The following POTEB3 variants were observed in gnomAD, a reference collection of about 807,000 sequenced individuals.
POTEB3 encodes the protein ANKRD26-like family B member 1.
In POTEB3, 5 loss-of-function variants were observed where a neutral mutation model predicts 39.8. The ratio of observed to expected loss-of-function variants is 0.13; its 90% CI spans 0.07 to 0.26. The LOEUF is 0.26. Ranked by LOEUF, POTEB3 falls within the 10% of genes least tolerant of loss-of-function variation. POTEB3 has a pLI of 1.00. For missense variants in POTEB3, 24 were observed against 475.6 expected (o/e 0.05, Z 8.83); for synonymous variants, 5 against 161.5 (o/e 0.03, Z 7.35).
At chr15:21,433,530 G>T (rs1254535174) in intron 3 of POTEB3, among the ~76,000 whole-genome samples, 12 of 150,620 alleles carry the variant, frequency 8.0e-5, no homozygotes, top group Non-Finnish European at 1.5e-4. Context: ...GGAAGCTAGT[G>T]CAATAGACAA....
intron 3 of POTEB3, among the ~76,000 whole-genome samples, chr15:21,433,061 G>GT (rs1435495243): frequency 2.1e-4 from 29 of 140,130 alleles, no homozygotes; most frequent in African/African-American, 7.8e-4. Context: ...GGGGAACAGA[G>GT]TGAGACCCCA....
At chr15:21,419,943 CTT>C in intron 8 of POTEB3, among the ~76,000 whole-genome samples, 1 of 119,356 alleles carries the variant, frequency 8.4e-6, no homozygotes. Context: ...TCTTCAGAAT[CTT>C]ATATATGAAT....
chr15:21,414,394 C>T (rs1179446555), intron 9 of POTEB3, among the ~76,000 whole-genome samples: 9 of 113,708 alleles, frequency 7.9e-5, no homozygotes, highest in Non-Finnish European at 1.2e-4. Context: ...ATGAAGTCTA[C>T]AATTCTGGAA....
At chr15:21,430,793 C>A (rs1255566213) in intron 4 of POTEB3, among the ~76,000 whole-genome samples, 3 of 151,528 alleles carry the variant, frequency 2.0e-5, no homozygotes, top group South Asian at 4.1e-4. Flanking sequence ...AATAAGAGCT[C>A]TCTGCATGCT....
In POTEB3 at chr15:21,419,784, G is replaced by A. The variant is rs1321300402; in HGVS notation, c.1243-154C>T. Among the ~76,000 whole-genome samples the A allele has an allele frequency of 1.6e-4, 22 of 137,076 alleles. 2 individuals are homozygous for A. Among genetic ancestry groups the A allele is most frequent in the African/African-American group, 4.1e-4 (14 of 34,512 alleles). The allele number at this position is 137,076 out of a possible 152,430, so 89.9% of individuals were successfully genotyped here. Reference sequence around the variant, plus strand: ...TGATCATATATACAGAACTATAACCGTATAATTTTAAGATGTAATTATCAT... The same window carrying A: ...TGATCATATATACAGAACTATAACCATATAATTTTAAGATGTAATTATCAT... On this transcript the variant is annotated intron_variant, in intron 8 of 10. Coordinates refer to ENST00000611217, the MANE Select transcript of POTEB3 (RefSeq NM_207355.5).
intron 3 of POTEB3, among the ~76,000 whole-genome samples, chr15:21,433,686 A>G (rs1290569003): frequency 6.7e-6 from 1 of 148,434 alleles, no homozygotes; most frequent in Admixed American, 6.7e-5. Context: ...GGTCTAGTAA[A>G]CTCAAAATCC....
At chr15:21,425,109 A>G (rs1396732420) in intron 6 of POTEB3, 5 of 143,314 alleles carry the variant, frequency 3.5e-5, no homozygotes, top group African/African-American at 1.1e-4. Flanking sequence ...CATGGAAACT[A>G]TAGATGACTA....
At chr15:21,419,325 T>C in intron 9 of POTEB3, 139 bp downstream of exon 9, 1 of 77,572 alleles carries the variant, frequency 1.3e-5, no homozygotes, top group Non-Finnish European at 2.2e-5. Context: ...GAAAAAACGG[T>C]AACTCATTGT....
chr15:21,434,049 A>ACACG (rs1198964108), intron 3 of POTEB3, among the ~76,000 whole-genome samples: 1 of 133,192 alleles, frequency 7.5e-6, no homozygotes, highest in African/African-American at 3.2e-5. Flanking sequence ...ACACACACAC[A>ACACG]CACACACACA....
rs7163812 is a variant in POTEB3, at chr15:21,410,004, T to C, written c.1534-809A>G. ...ACACACACACACACACACACACACA[T>C]ATATATATGCAACGTGCAAGATTTT... On this transcript the variant is annotated intron_variant, in intron 10 of 10. Transcript: ENST00000611217. Among the ~76,000 whole-genome samples, 233 of 90,234 alleles carry C rather than the reference T, an allele frequency of 2.6e-3. 7 individuals are homozygous for C. The highest frequency in any genetic ancestry group is 0.016 in the African/African-American group (169 of 10,412). The allele number at this position is 90,234 out of a possible 152,430, so 59.2% of individuals were successfully genotyped here.
At position 21,419,899 on chromosome 15, in the gene POTEB3, C is replaced by A. The variant is rs1898466509; in HGVS notation, c.1243-269G>T. Among the ~76,000 whole-genome samples, 7 of 134,696 alleles carry A rather than the reference C, an allele frequency of 5.2e-5. No individual in the cohort carries two copies. In the South Asian group the frequency reaches 1.6e-3, roughly 30 times the overall value. 88.4% of individuals were successfully genotyped at this position (134,696 alleles called of 152,430 possible). A position where few individuals can be genotyped will look rare whatever the true frequency, so the allele number is the denominator to read the frequency against. On this transcript the variant is annotated intron_variant, in intron 8 of 10. Coordinates refer to ENST00000611217, the MANE Select transcript of POTEB3 (RefSeq NM_207355.5). ...AGAATTTTCCAAAATTCAAAAAGGGCCCTCCTTCATTTTGTGCTTTTATTC... is the reference window on the plus strand; with the variant it reads ...AGAATTTTCCAAAATTCAAAAAGGGACCTCCTTCATTTTGTGCTTTTATTC...
chr15:21,410,777 G>A lies in POTEB3; in HGVS notation c.1533+101C>T, dbSNP rs1270455640. 2.2e-5 allele frequency: 16 copies of A among 713,148 alleles called. 3 individuals carry two copies. The highest frequency in any genetic ancestry group is 6.4e-5 in the African/African-American group (1 of 15,514). The allele number at this position is 713,148 out of a possible 1,614,324, so 44.2% of individuals were successfully genotyped here. ...CACACACACAGACACACACACACGT[G>A]TGTATATATATGATTTAAAAATCCT... On this transcript the variant is annotated intron_variant, in intron 10 of 10. Transcript: ENST00000611217.
At chr15:21,434,500 T>C (rs1302437704) in intron 3 of POTEB3, among the ~76,000 whole-genome samples, 161 bp downstream of exon 3, 4 of 75,414 alleles carry the variant, frequency 5.3e-5, no homozygotes, top group African/African-American at 2.1e-4. Context: ...TCTTTAAAAG[T>C]AACAATATTT....
chr15:21,429,026 C>A (rs1898844748), intron 5 of POTEB3: 1 of 150,260 alleles, frequency 6.7e-6, no homozygotes, highest in South Asian at 2.1e-4. Flanking sequence ...GAGTCATGGG[C>A]AAGGCTTGGC....
intron 9 of POTEB3, among the ~76,000 whole-genome samples, chr15:21,417,963 G>A (rs1395097975): frequency 1.9e-5 from 2 of 104,944 alleles, no homozygotes; most frequent in Non-Finnish European, 3.6e-5. Flanking sequence ...AGCACCTGTG[G>A]GCCAAATCCA....
chr15:21,434,051 AC>A (rs1899088759), intron 3 of POTEB3, among the ~76,000 whole-genome samples: 3 of 103,142 alleles, frequency 2.9e-5, no homozygotes, highest in African/African-American at 1.0e-4. Context: ...ACACACACAC[AC>A]ACACACACAC....
Position 21,434,441 on chromosome 15 carries a change from A to T in POTEB3, c.810+220T>A, listed in dbSNP as rs114777978. Among the ~76,000 whole-genome samples, 84 of 83,540 alleles carry T rather than the reference A, an allele frequency of 1.0e-3. 7 individuals are homozygous for T. Among genetic ancestry groups the T allele is most frequent in the South Asian group, 4.3e-3 (13 of 3,038 alleles). The allele number at this position is 83,540 out of a possible 152,430, so 54.8% of individuals were successfully genotyped here. A position where few individuals can be genotyped will look rare whatever the true frequency, so the allele number is the denominator to read the frequency against. ...TACAAATTCCGTGTTTTTTTTTTTT[A>T]AAAGCATTAACCACAAGTGCACTGA... On this transcript the variant is annotated intron_variant, in intron 3 of 10. Transcript: ENST00000611217.
chr15:21,433,253 T>TTTG (rs1229656948), intron 3 of POTEB3, among the ~76,000 whole-genome samples: 3,797 of 148,606 alleles, frequency 0.026, 18 homozygotes, highest in Admixed American at 0.076. Flanking sequence ...TTTTGAGAAA[T>TTTG]TTGTTGTTGT....
At chr15:21,430,205 GT>G in intron 5 of POTEB3, 58 bp downstream of exon 5, 1 of 1,283,718 alleles carries the variant, frequency 7.8e-7, no homozygotes, top group East Asian at 2.7e-5. Context: ...AGATGCAATT[GT>G]TATAATTATT....
Sources: allele counts gnomAD v4.1 joint callset (sites outside exome capture counted in the v4.1 genomes callset), GRCh38; gene constraint gnomAD v4.1.1; transcripts MANE v1.5; gene names NCBI Gene and HGNC (gene_info 2026-07-23, HGNC 2026-07-21).